Variants in FMN1 observed in about 807,000 individuals in gnomAD.
FMN1 encodes the protein formin 1.
Under a neutral mutation model 132.4 loss-of-function variants are expected in FMN1, and 110 were observed. That is an observed-to-expected ratio of 0.83 (90% CI 0.71 to 0.97). The LOEUF (loss-of-function observed/expected upper bound fraction) is 0.97. Ranked by LOEUF, FMN1 falls within the 50% of genes least tolerant of loss-of-function variation. The pLI is 0.00. For synonymous variants in FMN1, 722 were observed against 651.7 expected (o/e 1.11, Z -1.64); for missense variants, 1,792 against 1,705.3 (o/e 1.05, Z -0.90).
At chr15:32,805,730 C>T (rs1398206158) in intron 17 of FMN1, among the ~76,000 whole-genome samples, 1 of 152,186 alleles carries the variant, frequency 6.6e-6, no homozygotes, top group Non-Finnish European at 1.5e-5. Flanking sequence ...ATCATGTTCC[C>T]CCTTACTCTA....
At chr15:32,945,529 G>C (rs533446570) in intron 9 of FMN1, among the ~76,000 whole-genome samples, 9 of 152,214 alleles carry the variant, frequency 5.9e-5, no homozygotes, top group Middle Eastern at 3.4e-3. Flanking sequence ...GGCTTAAATA[G>C]GGCTTTTTCT....
intron 16 of FMN1, among the ~76,000 whole-genome samples, chr15:32,861,291 C>T (rs1045565776): frequency 6.6e-6 from 1 of 152,234 alleles, no homozygotes; most frequent in Admixed American, 6.5e-5. Flanking sequence ...TCCCCAATTA[C>T]AAAAGCAATA....
intron 15 of FMN1, among the ~76,000 whole-genome samples, chr15:32,896,005 T>C (rs946088639): frequency 2.0e-5 from 3 of 152,132 alleles, no homozygotes; most frequent in African/African-American, 7.2e-5. Context: ...TCATGTCTTA[T>C]TGATTTTATT....
intron 6 of FMN1, among the ~76,000 whole-genome samples, chr15:33,022,957 G>C (rs1228996059): frequency 2.0e-5 from 3 of 150,800 alleles, no homozygotes; most frequent in African/African-American, 7.3e-5. Flanking sequence ...GAGGGTGGGA[G>C]GATCTCCTGA....
chr15:32,830,538 G>C (rs1163578576), intron 17 of FMN1, among the ~76,000 whole-genome samples: 2 of 151,850 alleles, frequency 1.3e-5, no homozygotes, highest in Non-Finnish European at 2.9e-5. Context: ...TTCCTTTTTT[G>C]GACAGCTTCA....
At chr15:32,924,318 T>TC (rs1409794249) in intron 10 of FMN1, among the ~76,000 whole-genome samples, 2 of 152,248 alleles carry the variant, frequency 1.3e-5, no homozygotes, top group Non-Finnish European at 2.9e-5. Context: ...TCTGTGATTA[T>TC]CATTTAAGAT....
At chr15:32,995,840 T>C (rs778127902) in intron 7 of FMN1, among the ~76,000 whole-genome samples, 3 of 152,206 alleles carry the variant, frequency 2.0e-5, no homozygotes, top group Admixed American at 1.3e-4. Flanking sequence ...ATTCAGATGT[T>C]TCCTTCATAA....
At chr15:33,145,711 G>T (rs1205120648) in intron 4 of FMN1, among the ~76,000 whole-genome samples, 5 of 151,274 alleles carry the variant, frequency 3.3e-5, no homozygotes, top group African/African-American at 1.2e-4. Flanking sequence ...GGACGGGCAT[G>T]ACTGTCAAAT....
chr15:32,886,449 A>G lies in FMN1; in HGVS notation c.3835+1723T>C, dbSNP rs566294683. On this transcript the variant is annotated intron_variant, in intron 16 of 20. Transcript: ENST00000616417. ...GTCAGTTGAGTACTGAGAGATCCGG[A>G]ACGACAATTCAGAGCCTCCCTAGAC... 2.0e-5 allele frequency among the ~76,000 whole-genome samples: 3 copies of G among 152,312 alleles called. No homozygotes were observed. The South Asian group carries it at 6.2e-4, about 32-fold the overall frequency.
At chr15:33,192,853 A>G (rs1447790256) in intron 2 of FMN1, among the ~76,000 whole-genome samples, 1 of 152,198 alleles carries the variant, frequency 6.6e-6, no homozygotes, top group African/African-American at 2.4e-5. Flanking sequence ...TACCTATATT[A>G]TCTCGTTTAA....
chr15:33,164,715 T>C (rs1238480246), intron 3 of FMN1, among the ~76,000 whole-genome samples: 1 of 152,250 alleles, frequency 6.6e-6, no homozygotes, highest in Non-Finnish European at 1.5e-5. Flanking sequence ...TTTACATCAC[T>C]ATCTGGCTAA....
At chr15:32,966,528 A>C (rs1476133714) in intron 8 of FMN1, among the ~76,000 whole-genome samples, 2 of 152,164 alleles carry the variant, frequency 1.3e-5, no homozygotes, top group African/African-American at 4.8e-5. Context: ...AAACTTACTA[A>C]GAAGCTGAAA....
chr15:32,916,747 G>A (rs932192736), intron 10 of FMN1, among the ~76,000 whole-genome samples: 1 of 152,150 alleles, frequency 6.6e-6, no homozygotes, highest in African/African-American at 2.4e-5. Flanking sequence ...AGTTTGATAG[G>A]ATTACTTGAC....
chr15:32,879,900 A>C (rs951448039), intron 16 of FMN1, among the ~76,000 whole-genome samples: 16 of 152,096 alleles, frequency 1.1e-4, no homozygotes, highest in African/African-American at 3.6e-4. Flanking sequence ...CACGCAGTTT[A>C]AAGAATCAGT....
In FMN1 at chr15:32,890,581, C is replaced by T. The variant is rs149183899; in HGVS notation, c.3715-2289G>A. 4.2e-3 allele frequency among the ~76,000 whole-genome samples: 632 copies of T among 152,248 alleles called. 1 individual carries two copies. The highest frequency in any genetic ancestry group is 0.015 in the African/African-American group (603 of 41,530). On this transcript the variant is annotated intron_variant, in intron 15 of 20. Coordinates refer to ENST00000616417, the MANE Select transcript of FMN1 (RefSeq NM_001277313.2). ...TGTATATCTTCTTTTGGGAACTGTC[C>T]ATTCATGTACTTCGCCGACTTTTTG...
chr15:33,108,238 A>G (rs1356447062), intron 4 of FMN1, among the ~76,000 whole-genome samples: 1 of 152,022 alleles, frequency 6.6e-6, no homozygotes, highest in Non-Finnish European at 1.5e-5. Flanking sequence ...GCTTAACTAG[A>G]AAAAAGAAAA....
At chr15:33,141,071 T>C (rs967025448) in intron 4 of FMN1, among the ~76,000 whole-genome samples, 1 of 152,182 alleles carries the variant, frequency 6.6e-6, no homozygotes, top group Non-Finnish European at 1.5e-5. Flanking sequence ...TTATCAGTCA[T>C]AATAGCTACA....
At chr15:33,034,072 A>T (rs2036077708) in intron 6 of FMN1, among the ~76,000 whole-genome samples, 1 of 152,126 alleles carries the variant, frequency 6.6e-6, no homozygotes, top group South Asian at 2.1e-4. Flanking sequence ...AGTTTTAAAC[A>T]CCAGTTTTAC....
At chr15:32,869,009 CTCTCCAGGAGAGAAAACT>C (rs917293224) in intron 16 of FMN1, among the ~76,000 whole-genome samples, 1 of 152,130 alleles carries the variant, frequency 6.6e-6, no homozygotes, top group African/African-American at 2.4e-5. Context: ...CCAGGAAAGG[CTCTCCAGGAGAGAAAACT>C]TATGAGTTGA....
Sources: allele counts gnomAD v4.1 joint callset (sites outside exome capture counted in the v4.1 genomes callset), GRCh38; gene constraint gnomAD v4.1.1; transcripts MANE v1.5; gene names NCBI Gene and HGNC (gene_info 2026-07-23, HGNC 2026-07-21).